The following MRTFB variants were observed in gnomAD, a reference collection of about 807,000 sequenced individuals.
MRTFB encodes myocardin-related transcription factor B.
MRTFB carries 29 observed loss-of-function variants against 104.2 expected under a neutral mutation model. That is an observed-to-expected ratio of 0.28 (90% CI 0.21 to 0.38). MRTFB has a LOEUF of 0.38. MRTFB is among the 10% of genes least tolerant of loss of function. MRTFB has a pLI of 1.00. For synonymous variants in MRTFB, 535 were observed against 519.5 expected (o/e 1.03, Z -0.41); for missense variants, 1,270 against 1,341.6 (o/e 0.95, Z 0.83).
intron 2 of MRTFB, among the ~76,000 whole-genome samples, chr16:14,079,807 A>G (rs1466684336): frequency 6.6e-6 from 1 of 152,162 alleles, no homozygotes; most frequent in Non-Finnish European, 1.5e-5. Context: ...CAACATAATG[A>G]TAGAACTTAG....
chr16:14,159,606 G>A (rs115819742), intron 3 of MRTFB, among the ~76,000 whole-genome samples: 214 of 152,222 alleles, frequency 1.4e-3, no homozygotes, highest in African/African-American at 4.6e-3. Context: ...TCTTTGTAAC[G>A]CCTGAAGTTA....
At chr16:14,065,939 T>C in the MRTFB span, among the ~76,000 whole-genome samples, 1 of 152,164 alleles carries the variant, frequency 6.6e-6, no homozygotes, top group Non-Finnish European at 1.5e-5. Context: ...CCAGCCATTT[T>C]CTTGTCATTT....
the MRTFB span, among the ~76,000 whole-genome samples, chr16:14,006,303 A>G: frequency 3.3e-5 from 5 of 152,106 alleles, no homozygotes; most frequent in Admixed American, 6.5e-5. Context: ...AGATTGTGTC[A>G]TTGCACTCCA....
At chr16:14,038,750 G>A in the MRTFB span, among the ~76,000 whole-genome samples, 2 of 152,098 alleles carry the variant, frequency 1.3e-5, no homozygotes, top group Admixed American at 1.3e-4. Context: ...GGCTGGTTCT[G>A]GTTCATGGTT....
chr16:14,119,187 G>A (rs753965143), intron 2 of MRTFB, among the ~76,000 whole-genome samples: 1 of 152,172 alleles, frequency 6.6e-6, no homozygotes, highest in African/African-American at 2.4e-5. Flanking sequence ...GTATAGTCAC[G>A]TGGTTGAAGA....
intron 3 of MRTFB, among the ~76,000 whole-genome samples, chr16:14,166,044 A>G (rs1403112613): frequency 6.6e-6 from 1 of 152,232 alleles, no homozygotes; most frequent in Non-Finnish European, 1.5e-5. Context: ...AGAAGAAATT[A>G]TAATACTCGC....
rs1456433141 is a variant in MRTFB at position 14,167,426 on chromosome 16, TG to T, written c.154+26668del. On this transcript the variant is annotated intron_variant, in intron 3 of 16. Transcript: ENST00000571589. Reference sequence around the variant, plus strand: ...ATTAGACCTTTTCCAGATGGATAAATGGCAAAATTTTTTTCCCATTCTGTAG... The same window carrying T: ...ATTAGACCTTTTCCAGATGGATAAATGCAAAATTTTTTTCCCATTCTGTAG... Among the ~76,000 whole-genome samples the T allele has an allele frequency of 3.3e-5, 5 of 152,156 alleles. No individual in the cohort carries two copies. The East Asian group carries it at 9.6e-4, about 29-fold the overall frequency.
chr16:14,241,541 T>A (rs2042766431), intron 10 of MRTFB: 1 of 152,236 alleles, frequency 6.6e-6, no homozygotes, highest in South Asian at 2.1e-4. Flanking sequence ...TAGAAAGAGA[T>A]GCAAAAGCTC....
intron 1 of MRTFB, among the ~76,000 whole-genome samples, chr16:14,078,008 T>G (rs2034167785): frequency 6.6e-6 from 1 of 152,146 alleles, no homozygotes; most frequent in Non-Finnish European, 1.5e-5. Context: ...GCTGCCTTAG[T>G]CTCTCTTGGA....
intron 8 of MRTFB, among the ~76,000 whole-genome samples, chr16:14,224,580 C>T (rs1255749342): frequency 6.6e-6 from 1 of 151,824 alleles, no homozygotes; most frequent in Non-Finnish European, 1.5e-5. Flanking sequence ...ATCTTAAAAG[C>T]AGCAAGAGAA....
In MRTFB at chr16:14,140,736, C is replaced by T. The variant is rs1227794834; in HGVS notation, c.130C>T (p.Pro44Ser). The change falls in exon 3 of 17, where the codon CCC (proline) becomes TCC (serine). Residue 44 changes from proline to serine, a missense_variant. Around this residue, in one of 3 missense-constraint regions of MRTFB, gnomAD observed 62 missense variants for 57.2 expected, o/e 1.08. Transcript: ENST00000571589. ...ELSLQSSQNL[P>S]PLNERKNVLQ... ...CTCCTTGCAGTCCAGTCAAAACTTA[C>T]CCCCTCTGAACGAAAGGAAAAATGG... The T allele has an allele frequency of 6.2e-6, 10 of 1,614,128 alleles. No individual in the cohort carries two copies. The highest frequency in any genetic ancestry group is 8.5e-6 in the Non-Finnish European group (10 of 1,180,022).
chr16:14,089,928 A>G (rs1445817610), intron 2 of MRTFB, among the ~76,000 whole-genome samples: 1 of 152,290 alleles, frequency 6.6e-6, no homozygotes. Flanking sequence ...CCACTTGTAT[A>G]TCTTAGAGAA....
chr16:14,196,185 A>C (rs773947456), intron 3 of MRTFB, among the ~76,000 whole-genome samples: 1 of 152,214 alleles, frequency 6.6e-6, no homozygotes, highest in African/African-American at 2.4e-5. Flanking sequence ...GTCTGTTTCC[A>C]TGGCAACAGA....
At chr16:14,090,561 G>A (rs905989497) in intron 2 of MRTFB, among the ~76,000 whole-genome samples, 1 of 152,168 alleles carries the variant, frequency 6.6e-6, no homozygotes, top group African/African-American at 2.4e-5. Context: ...CTTCCACAGA[G>A]GACTGTGGTG....
chr16:14,017,112 A>G, the MRTFB span, among the ~76,000 whole-genome samples: 6 of 138,002 alleles, frequency 4.3e-5, no homozygotes, highest in Non-Finnish European at 1.5e-5. Flanking sequence ...GCTGGAGTGC[A>G]GTGGAGCAAT....
Position 14,247,185 on chromosome 16 carries a change from C to T in MRTFB, c.1925C>T (p.Ala642Val). ...GSLGSSIKDE[A>V]SLPDCSSSRQ... ...CTTGGCTCCTCCATCAAAGATGAGGCCTCACTCCCTGACTGCTCCAGCTCC... is the reference window on the plus strand; with the variant it reads ...CTTGGCTCCTCCATCAAAGATGAGGTCTCACTCCCTGACTGCTCCAGCTCC... The change falls in exon 12 of 17, where the codon GCC becomes GTC. Residue 642 changes from alanine to valine, a missense_variant. Transcript: ENST00000571589. 6.2e-7 allele frequency: 1 copy of T among 1,614,160 alleles called. No individual in the cohort carries two copies. Among genetic ancestry groups the T allele is most frequent in the Admixed American group, 1.7e-5 (1 of 60,032 alleles).
chr16:14,021,810 C>G, the MRTFB span, among the ~76,000 whole-genome samples: 2 of 152,074 alleles, frequency 1.3e-5, no homozygotes, highest in African/African-American at 4.8e-5. Context: ...TTTCTTTATC[C>G]ACTCATTGAT....
intron 12 of MRTFB, 62 bp from the exon 13 acceptor site, chr16:14,248,864 G>A (rs544265109): frequency 6.3e-7 from 1 of 1,575,938 alleles, no homozygotes; most frequent in Admixed American, 1.7e-5. Context: ...CTACACCTAA[G>A]TTCTGATTTC....
intron 2 of MRTFB, among the ~76,000 whole-genome samples, chr16:14,101,291 T>C (rs1297194287): frequency 6.6e-6 from 1 of 152,156 alleles, no homozygotes; most frequent in Non-Finnish European, 1.5e-5. Context: ...TTTCTTATAG[T>C]GTAATAACTA....
Sources: allele counts gnomAD v4.1 joint callset (sites outside exome capture counted in the v4.1 genomes callset), GRCh38; gene constraint gnomAD v4.1.1; regional missense constraint gnomAD v4.1.1; transcripts MANE v1.5; gene names NCBI Gene and HGNC (gene_info 2026-07-23, HGNC 2026-07-21).